GLRA3: variants seen among roughly 807,000 people sequenced by gnomAD.
The protein encoded by GLRA3 is glycine receptor alpha 3, also known as glycine receptor subunit alpha-3.
In GLRA3, 44 loss-of-function variants were observed where a neutral mutation model predicts 60.4. That is an observed-to-expected ratio of 0.73 (90% CI 0.57 to 0.94). The LOEUF is 0.94. GLRA3 is among the 40% of genes least tolerant of loss of function. The pLI is 0.00. For missense variants in GLRA3, 508 were observed against 564.6 expected (o/e 0.90, Z 1.02); for synonymous variants, 223 against 192.9 (o/e 1.16, Z -1.29).
chr4:174,824,414 CA>C (rs1740876298), intron 1 of GLRA3, among the ~76,000 whole-genome samples: 1 of 152,150 alleles, frequency 6.6e-6, no homozygotes. Context: ...TATTTTGAGT[CA>C]AGTTATAAAA....
chr4:174,734,802 C>T (rs1736706726), intron 3 of GLRA3, among the ~76,000 whole-genome samples: 1 of 152,114 alleles, frequency 6.6e-6, no homozygotes, highest in South Asian at 2.1e-4. Context: ...ATTAAGAATA[C>T]TACCCATTCT....
chr4:174,712,911 A>ATG (rs1735771109), intron 5 of GLRA3: 1 of 109,826 alleles, frequency 9.1e-6, no homozygotes, highest in African/African-American at 3.5e-5. Flanking sequence ...ACATATATGC[A>ATG]TATATATACA....
rs1043911015 is a variant in GLRA3, at chr4:174,727,529, A to G, written c.491+946T>C. 2.2e-4 allele frequency among the ~76,000 whole-genome samples: 33 copies of G among 152,216 alleles called. 1 individual carries two copies. The highest frequency in any genetic ancestry group is 1.6e-3 in the Admixed American group (24 of 15,286). ...ACATATTCTCCCTCTTCTAAGAGAC[A>G]TGACATGAATTCTGTTCTTACGTCC... On this transcript the variant is annotated intron_variant, in intron 4 of 9. Coordinates refer to ENST00000274093, the MANE Select transcript of GLRA3 (RefSeq NM_006529.4).
chr4:174,648,857 G>A (rs1290306990), intron 9 of GLRA3, among the ~76,000 whole-genome samples: 2 of 152,120 alleles, frequency 1.3e-5, no homozygotes, highest in African/African-American at 4.8e-5. Context: ...AAAGAACACA[G>A]CAAAAATTGA....
chr4:174,677,526 AT>A (rs779270533), intron 6 of GLRA3, among the ~76,000 whole-genome samples: 131 of 146,298 alleles, frequency 9.0e-4, no homozygotes, highest in East Asian at 8.2e-4. Context: ...AGCCCGGCTA[AT>A]TTTTTTTTTT....
At chr4:174,652,400 A>T (rs1296693511) in intron 9 of GLRA3, among the ~76,000 whole-genome samples, 1 of 152,134 alleles carries the variant, frequency 6.6e-6, no homozygotes, top group Non-Finnish European at 1.5e-5. Flanking sequence ...CATAAAATAT[A>T]GAAAGTGGGC....
At position 174,778,941 on chromosome 4, in the gene GLRA3, G is replaced by C. The variant is rs367580606; in HGVS notation, c.199+9875C>G. Among the ~76,000 whole-genome samples, 28 of 149,392 alleles carry C rather than the reference G, an allele frequency of 1.9e-4. No individual in the cohort carries two copies. The South Asian group carries it at 2.1e-3, about 11-fold the overall frequency. ...GCTTGCTTAGGTAAACAAAGCAGCC[G>C]GGAAGCTCCAACTGGGTGGAGCCCA... On this transcript the variant is annotated intron_variant, in intron 2 of 9. Coordinates refer to ENST00000274093, the MANE Select transcript of GLRA3 (RefSeq NM_006529.4).
chr4:174,685,940 A>G (rs1313119043), intron 5 of GLRA3, among the ~76,000 whole-genome samples: 1 of 152,220 alleles, frequency 6.6e-6, no homozygotes, highest in African/African-American at 2.4e-5. Flanking sequence ...TTCTCAAGAT[A>G]TTCTGTGAAA....
chr4:174,670,853 T>G (rs867428786), intron 7 of GLRA3, among the ~76,000 whole-genome samples: 43 of 152,290 alleles, frequency 2.8e-4, no homozygotes, highest in African/African-American at 9.9e-4. Context: ...TCTATCCTTC[T>G]TATCATAGAA....
In GLRA3 at chr4:174,715,701, T is replaced by A. The variant is rs549639157; in HGVS notation, c.492-131A>T. ...AGTAAAAATTTCTCCAGCTTATGTA[T>A]CCTACTTACTATAAAATAGCTATGC... On this transcript the variant is annotated intron_variant, in intron 4 of 9. Transcript: ENST00000274093. 700 of 524,660 alleles carry A rather than the reference T, an allele frequency of 1.3e-3. 16 individuals are homozygous for A. In the South Asian group the frequency reaches 0.022, roughly 17 times the overall value. The allele number at this position is 524,660 out of a possible 1,614,324, so 32.5% of individuals were successfully genotyped here.
intron 1 of GLRA3, among the ~76,000 whole-genome samples, chr4:174,801,297 A>G (rs1200063017): frequency 6.6e-6 from 1 of 152,058 alleles, no homozygotes; most frequent in Non-Finnish European, 1.5e-5. Context: ...CTCTAATGAC[A>G]CGTCCCTTGG....
chr4:174,757,171 ATTAAG>A (rs1352468924), intron 3 of GLRA3, among the ~76,000 whole-genome samples: 7 of 152,240 alleles, frequency 4.6e-5, no homozygotes, highest in African/African-American at 9.6e-5. Context: ...GAACTATTGA[ATTAAG>A]TTATCAAGTT....
At chr4:174,801,578 C>A (rs1300035200) in intron 1 of GLRA3, among the ~76,000 whole-genome samples, 2 of 152,028 alleles carry the variant, frequency 1.3e-5, no homozygotes, top group Non-Finnish European at 2.9e-5. Context: ...TTACTGACTC[C>A]ACTTCTAACT....
chr4:174,648,695 A>G (rs556823802), intron 9 of GLRA3, among the ~76,000 whole-genome samples: 1 of 152,250 alleles, frequency 6.6e-6, no homozygotes, highest in South Asian at 2.1e-4. Context: ...CATTCTGGGA[A>G]GGCAGGAGGG....
chr4:174,657,075 G>A (rs932714804), intron 8 of GLRA3, among the ~76,000 whole-genome samples: 1 of 152,050 alleles, frequency 6.6e-6, no homozygotes, highest in African/African-American at 2.4e-5. Flanking sequence ...TTGCATTTCT[G>A]CATTTTCCCA....
At position 174,823,532 on chromosome 4, in the gene GLRA3, G is replaced by GA. The variant is rs202095729; in HGVS notation, c.71+5208dup. On this transcript the variant is annotated intron_variant, in intron 1 of 9. Coordinates refer to ENST00000274093, the MANE Select transcript of GLRA3 (RefSeq NM_006529.4). ...AGAGCGAGACTCTGTCTCAAAAAAA[G>GA]AAAAAAAAAGAATTTATTTTCTATA... Among the ~76,000 whole-genome samples the GA allele has an allele frequency of 3.4e-3, 503 of 149,458 alleles. 1 individual carries two copies. Among genetic ancestry groups the GA allele is most frequent in the African/African-American group, 0.011 (467 of 40,798 alleles).
At chr4:174,774,935 T>C (rs987119496) in intron 2 of GLRA3, among the ~76,000 whole-genome samples, 5 of 152,208 alleles carry the variant, frequency 3.3e-5, no homozygotes, top group Admixed American at 6.5e-5. Context: ...ACAACTTACA[T>C]TGAAGTGGTT....
At chr4:174,811,047 G>A (rs78127666) in intron 1 of GLRA3, among the ~76,000 whole-genome samples, 1,999 of 151,856 alleles carry the variant, frequency 0.013, 47 homozygotes, top group African/African-American at 0.045. Flanking sequence ...CATCTTTACA[G>A]TTTGTTTTTG....
At chr4:174,653,277 G>T (rs918881193) in intron 9 of GLRA3, among the ~76,000 whole-genome samples, 5 of 151,934 alleles carry the variant, frequency 3.3e-5, no homozygotes, top group Admixed American at 3.3e-4. Context: ...GATGAAAAAT[G>T]TGAATGAATT....
Sources: allele counts gnomAD v4.1 joint callset (sites outside exome capture counted in the v4.1 genomes callset), GRCh38; gene constraint gnomAD v4.1.1; transcripts MANE v1.5; gene names NCBI Gene and HGNC (gene_info 2026-07-23, HGNC 2026-07-21).